NCOR2: variants seen among roughly 807,000 people sequenced by gnomAD.
NCOR2 encodes the protein nuclear receptor corepressor 2.
A neutral mutation model predicts 262.9 loss-of-function variants in NCOR2; 81 were observed. The observed-to-expected ratio is 0.31, with a 90% confidence interval of 0.26 to 0.37. NCOR2 has a LOEUF of 0.37. NCOR2 is among the 10% of genes least tolerant of loss of function. NCOR2 has a pLI of 1.00. For missense variants in NCOR2, 3,385 were observed against 3,621.4 expected (o/e 0.93, Z 1.68); for synonymous variants, 1,659 against 1,559.3 (o/e 1.06, Z -1.51).
At chr12:124,409,977 G>A (rs539690850) in intron 13 of NCOR2, among the ~76,000 whole-genome samples, 22 of 151,830 alleles carry the variant, frequency 1.4e-4, no homozygotes, top group African/African-American at 5.3e-4. Context: ...CCGCACCGGG[G>A]TGACCTTGTT....
intron 14 of NCOR2, among the ~76,000 whole-genome samples, 189 bp downstream of exon 16, chr12:124,402,215 G>A (rs973819849): frequency 6.6e-6 from 1 of 152,152 alleles, no homozygotes; most frequent in African/African-American, 2.4e-5. Flanking sequence ...GAGCCAGGGA[G>A]GAGGAGTAGG....
exon 31 of NCOR2, chr12:124,346,596 G>T (rs2036960059): frequency 7.6e-6 from 12 of 1,579,980 alleles, no homozygotes; most frequent in Non-Finnish European, 1.0e-5. Context: ...AGCGGCCGCG[G>T]GGCCAGGGGC....
rs190061215 is a variant in NCOR2, at chr12:124,542,540, T to G, written c.-164-6929A>C. 9.2e-3 allele frequency: 1,401 copies of G among 152,760 alleles called. 11 individuals carry two copies. Among genetic ancestry groups the G allele is most frequent in the Non-Finnish European group, 0.013 (917 of 68,472 alleles). 9.5% of individuals were successfully genotyped at this position (152,760 alleles called of 1,614,324 possible). On this transcript the variant is annotated intron_variant, in intron 1 of 32. Transcript: ENST00000458234. ...GCGCCCGTCCCAGGCCCTAGGAACC[T>G]GCCAGGCCAGCATGAGCCAGCCTCG...
rs1441815431 is a variant in NCOR2 at position 124,531,632 on chromosome 12, C to A, written c.-118+3933G>T. On this transcript the variant is annotated intron_variant, in intron 1 of 46. Coordinates refer to the NCOR2 transcript ENST00000404621. The surrounding 1 kb of genome is among the most constrained non-coding windows in gnomAD (Gnocchi z 4.5). ...AGAGAGGGAAGGGTGGTGGCGCAGACAGGGAAGGGCAGGGGGCCCTGAATT... is the reference window on the plus strand; with the variant it reads ...AGAGAGGGAAGGGTGGTGGCGCAGAAAGGGAAGGGCAGGGGGCCCTGAATT... Among the ~76,000 whole-genome samples the A allele has an allele frequency of 6.6e-6, 1 of 152,036 alleles. No homozygotes were observed. Among genetic ancestry groups the A allele is most frequent in the Non-Finnish European group, 1.5e-5 (1 of 67,974 alleles).
At chr12:124,486,363 T>A in intron 2 of NCOR2, 78 bp downstream of exon 4, 1 of 1,576,032 alleles carries the variant, frequency 6.3e-7, no homozygotes. Flanking sequence ...GTGCTCCTGC[T>A]CTGCCACGGG....
intron 31 of NCOR2, 125 bp downstream of exon 33, chr12:124,346,439 G>A: frequency 9.4e-7 from 1 of 1,065,956 alleles, no homozygotes; most frequent in Non-Finnish European, 1.3e-6. Flanking sequence ...GAGCAGCTGG[G>A]TGACTGTAAG....
upstream of NCOR2, among the ~76,000 whole-genome samples, chr12:124,496,388 G>C (rs556465560): frequency 1.2e-4 from 19 of 152,156 alleles, no homozygotes; most frequent in Non-Finnish European, 1.8e-4. This position sits in a 1 kb window ranked among gnomAD's most constrained non-coding sequence, Gnocchi z 4.4. Flanking sequence ...CCTGCCTCAT[G>C]CAAAGCCCTC....
At chr12:124,545,572 G>A (rs1439732268) in intron 1 of NCOR2, among the ~76,000 whole-genome samples, 2 of 152,236 alleles carry the variant, frequency 1.3e-5, no homozygotes, top group African/African-American at 4.8e-5. Flanking sequence ...CGCCAGGCAA[G>A]GGCAGCTCAG....
chr12:124,355,171 A>G lies in NCOR2; in HGVS notation c.3382-232T>C. On this transcript the variant is annotated intron_variant, in intron 24 of 46. Coordinates refer to ENST00000405201, the Ensembl canonical transcript of NCOR2. Reference sequence around the variant, plus strand: ...TTGCCCTTCCATTTCGCAGTGGGGGAAACAGGAGGTTAAGTAACTTGCCTG... The same window carrying G: ...TTGCCCTTCCATTTCGCAGTGGGGGGAACAGGAGGTTAAGTAACTTGCCTG... The G allele has an allele frequency of 4.9e-6, 3 of 612,914 alleles. No individual in the cohort carries two copies. The South Asian group carries it at 6.0e-5, about 12-fold the overall frequency. The allele number at this position is 612,914 out of a possible 1,614,324, so 38.0% of individuals were successfully genotyped here.
intron 4 of NCOR2, 77 bp downstream of exon 6, chr12:124,472,875 T>C (rs1012307211): frequency 5.0e-6 from 8 of 1,585,910 alleles, no homozygotes; most frequent in Middle Eastern, 1.7e-4. Flanking sequence ...GCTTGGCACA[T>C]GTCTGTGACA....
At chr12:124,515,615 G>C (rs2049696496) in intron 1 of NCOR2, among the ~76,000 whole-genome samples, 1 of 151,232 alleles carries the variant, frequency 6.6e-6, no homozygotes, top group Non-Finnish European at 1.5e-5. Context: ...CTGCATGTGA[G>C]TATGGGTGTG....
chr12:124,390,571 CA>C (rs1215266949), intron 16 of NCOR2, among the ~76,000 whole-genome samples: 1 of 151,956 alleles, frequency 6.6e-6, no homozygotes, highest in Non-Finnish European at 1.5e-5. Context: ...TGCTCATCGG[CA>C]GGTGTCCGGG....
At chr12:124,377,046 G>A (rs539941059) in intron 18 of NCOR2, among the ~76,000 whole-genome samples, 8 of 152,180 alleles carry the variant, frequency 5.3e-5, no homozygotes, top group Non-Finnish European at 1.2e-4. Flanking sequence ...GGTGGGGGTC[G>A]AAGGTGGATG....
chr12:124,488,557 T>G (rs946828076), intron 1 of NCOR2, among the ~76,000 whole-genome samples: 29 of 152,102 alleles, frequency 1.9e-4, no homozygotes, highest in Non-Finnish European at 3.2e-4. Flanking sequence ...AGCCTCCTCC[T>G]GCATCCCACA....
intron 8 of NCOR2, among the ~76,000 whole-genome samples, chr12:124,433,706 G>T (rs1404815499): frequency 6.6e-6 from 1 of 152,164 alleles, no homozygotes; most frequent in Admixed American, 6.5e-5. Context: ...GTCTGCCTCG[G>T]ACAGCGCAGG....
At chr12:124,557,049 G>T (rs939291568) in intron 1 of NCOR2, among the ~76,000 whole-genome samples, 2 of 152,238 alleles carry the variant, frequency 1.3e-5, no homozygotes, top group African/African-American at 4.8e-5. Flanking sequence ...GGCCCACGCC[G>T]GGGCAGAGGG....
At chr12:124,455,873 A>C (rs1051400251) in intron 6 of NCOR2, among the ~76,000 whole-genome samples, 2 of 152,058 alleles carry the variant, frequency 1.3e-5, no homozygotes, top group Non-Finnish European at 2.9e-5. Flanking sequence ...AAGGTGTCAG[A>C]CTTCTGTTTC....
At chr12:124,401,210 CAAAA>C (rs34583413) in intron 14 of NCOR2, among the ~76,000 whole-genome samples, 1 of 133,222 alleles carries the variant, frequency 7.5e-6, no homozygotes, top group Admixed American at 7.4e-5. Context: ...GACCCTGTCT[CAAAA>C]AAAAAAAAAA....
chr12:124,336,981 G>C (rs771431225), exon 38 of NCOR2: 1 of 1,512,488 alleles, frequency 6.6e-7, no homozygotes. Flanking sequence ...AGCCCGGAGC[G>C]GGCTGGGGGC....
Sources: gnomAD v4.1 joint callset for allele counts (sites outside exome capture counted in the v4.1 genomes callset) on GRCh38, gnomAD v4.1.1 for gene constraint, Gnocchi (gnomAD v3.1) non-coding constraint, MANE v1.5 for transcripts, NCBI Gene and HGNC (gene_info 2026-07-23, HGNC 2026-07-21) for gene names.